SEMA3F: variants seen among roughly 807,000 people sequenced by gnomAD.
SEMA3F encodes the protein semaphorin 3F.
Under a neutral mutation model 98.5 loss-of-function variants are expected in SEMA3F, and 30 were observed. The ratio of observed to expected loss-of-function variants is 0.30; its 90% CI spans 0.23 to 0.41. The LOEUF (loss-of-function observed/expected upper bound fraction) is 0.41, where lower values mean the gene tolerates loss of function less well. SEMA3F is among the 10% of genes least tolerant of loss of function. The pLI is 1.00. For synonymous variants in SEMA3F, 380 were observed against 444.8 expected (o/e 0.85, Z 1.83); for missense variants, 866 against 1,119.3 (o/e 0.77, Z 3.23).
intron 11 of SEMA3F, 73 bp downstream of exon 11, chr3:50,183,328 A>G (rs1368936534): frequency 1.2e-6 from 2 of 1,605,242 alleles, no homozygotes; most frequent in African/African-American, 2.7e-5. Flanking sequence ...GGAGAACCCC[A>G]GCCCGGTGGC....
Position 50,186,299 on chromosome 3 carries a change from C to T in SEMA3F, c.1764C>T (p.Asp588=), listed in dbSNP as rs200293145. The stretch of plus-strand genomic sequence containing the variant: ...CATCCAGGCGGAGCCGCCGGCAGGA[C>T]GTCCGGCACGGAAACCCCATCAGGC... ...ASSKRRSRRQ[D]VRHGNPIRQC... is the part of the protein sequence containing the mutation. The change falls in exon 17 of 19, where the codon GAC becomes GAT. Residue 588 remains aspartate, a synonymous_variant. Coordinates refer to ENST00000002829, the MANE Select transcript of SEMA3F (RefSeq NM_004186.5). 2.4e-5 allele frequency: 39 copies of T among 1,613,836 alleles called. No homozygotes were observed. Among genetic ancestry groups the T allele is most frequent in the East Asian group, 1.8e-4 (8 of 44,882 alleles).
chr3:50,170,860 G>A (rs144910925), intron 2 of SEMA3F, among the ~76,000 whole-genome samples: 29 of 152,036 alleles, frequency 1.9e-4, no homozygotes, highest in African/African-American at 6.5e-4. Flanking sequence ...AGCCATTGAC[G>A]CCATATCCCG....
intron 2 of SEMA3F, among the ~76,000 whole-genome samples, chr3:50,173,574 G>A (rs572395349): frequency 6.6e-6 from 1 of 152,344 alleles, no homozygotes; most frequent in South Asian, 2.1e-4. Flanking sequence ...CCCAGCAGAT[G>A]GAGGTTGCAG....
At chr3:50,180,574 A>G (rs1257971099) in intron 7 of SEMA3F, among the ~76,000 whole-genome samples, 1 of 152,228 alleles carries the variant, frequency 6.6e-6, no homozygotes, top group Non-Finnish European at 1.5e-5. Flanking sequence ...GTCCCAGAGA[A>G]TGGAGAGGCC....
At chr3:50,161,414 G>C (rs1424964116) in intron 2 of SEMA3F, among the ~76,000 whole-genome samples, 1 of 152,230 alleles carries the variant, frequency 6.6e-6, no homozygotes, top group Non-Finnish European at 1.5e-5. Context: ...CTGGTGTCCT[G>C]GCCTTGCCGG....
At chr3:50,169,079 G>A (rs1698509844) in intron 2 of SEMA3F, among the ~76,000 whole-genome samples, 1 of 152,164 alleles carries the variant, frequency 6.6e-6, no homozygotes, top group Non-Finnish European at 1.5e-5. Flanking sequence ...CTATAACCAA[G>A]GGGGCGGGCT....
At chr3:50,181,385 G>A (rs1219305958) in intron 7 of SEMA3F, among the ~76,000 whole-genome samples, 1 of 151,408 alleles carries the variant, frequency 6.6e-6, no homozygotes, top group Non-Finnish European at 1.5e-5. Flanking sequence ...GCAGTGGTGC[G>A]ATCTCGGCTC....
chr3:50,157,278 C>T (rs1698023232), intron 1 of SEMA3F, among the ~76,000 whole-genome samples: 1 of 152,098 alleles, frequency 6.6e-6, no homozygotes, highest in African/African-American at 2.4e-5. Context: ...CTTCCCTGCA[C>T]CCCTTGCCAG....
rs1559717253 is a variant in SEMA3F at position 50,158,664 on chromosome 3, G to A, written c.-48-911G>A. Among the ~76,000 whole-genome samples, 1 of 152,234 alleles carries A rather than the reference G, an allele frequency of 6.6e-6. No individual in the cohort carries two copies. On this transcript the variant is annotated intron_variant, in intron 1 of 18. Transcript: ENST00000002829. The surrounding 1 kb of genome is among the most constrained non-coding windows in gnomAD (Gnocchi z 4.8). ...CGATGCCCCCACCCGCAGTGCATCC[G>A]GTTGGGGGTGGTGGTAGGAGTTGGC...
At chr3:50,185,308 A>C in intron 13 of SEMA3F, 135 bp from the exon 14 acceptor site, 4 of 801,268 alleles carry the variant, frequency 5.0e-6, no homozygotes, top group South Asian at 1.8e-5. Context: ...ACCTGGGGAA[A>C]CTCTTCCACC....
intron 2 of SEMA3F, among the ~76,000 whole-genome samples, chr3:50,165,496 C>A (rs1307878031): frequency 6.6e-6 from 1 of 152,176 alleles, no homozygotes; most frequent in Non-Finnish European, 1.5e-5. Context: ...AATGCTGCTC[C>A]AGCTCCTGCC....
intron 2 of SEMA3F, among the ~76,000 whole-genome samples, chr3:50,160,007 T>C (rs992100418): frequency 6.6e-6 from 1 of 152,126 alleles, no homozygotes. Flanking sequence ...CTGAGGTCTG[T>C]AGGGCATGTC....
Position 50,176,880 on chromosome 3 carries a change from C to G in SEMA3F, c.643+19C>G. ...CTCATCAGTGAGTGCCCCCCAACCC[C>G]GCTCTACAGTCTCAATGTGTGGCCT... On this transcript the variant is annotated intron_variant, in intron 7 of 18. Transcript: ENST00000002829. The G allele has an allele frequency of 1.3e-6, 2 of 1,588,318 alleles. No individual in the cohort carries two copies. The highest frequency in any genetic ancestry group is 1.7e-6 in the Non-Finnish European group (2 of 1,157,066).
chr3:50,180,139 T>C (rs752052644), intron 7 of SEMA3F, among the ~76,000 whole-genome samples: 3 of 152,158 alleles, frequency 2.0e-5, no homozygotes, highest in African/African-American at 4.8e-5. Context: ...TCTAGCTTTT[T>C]TGTTTTTTTT....
chr3:50,184,728 C>G lies in SEMA3F; in HGVS notation c.1370C>G (p.Thr457Arg). The G allele has an allele frequency of 1.2e-6, 2 of 1,614,162 alleles. No individual in the cohort carries two copies. The highest frequency in any genetic ancestry group is 2.7e-5 in the African/African-American group (2 of 75,058). ...PLQRRPLVVR[T>R]GAPYRLTTIA... ...CAGCGGCGGCCCCTGGTAGTCCGCACAGGTGCTCCCTACCGCCTTACCACT... is the reference window on the plus strand; with the variant it reads ...CAGCGGCGGCCCCTGGTAGTCCGCAGAGGTGCTCCCTACCGCCTTACCACT... The change falls in exon 13 of 19, where the codon ACA becomes AGA. Residue 457 changes from threonine (T) to arginine (R), a missense_variant. Physicochemically the swap from Thr to Arg is moderately conservative, Grantham distance 71 (BLOSUM62 -1). Coordinates refer to ENST00000002829, the MANE Select transcript of SEMA3F (RefSeq NM_004186.5).
intron 2 of SEMA3F, among the ~76,000 whole-genome samples, chr3:50,164,304 T>C (rs150054851): frequency 3.5e-4 from 53 of 152,288 alleles, no homozygotes; most frequent in African/African-American, 1.3e-3. Context: ...GAGTAAATCA[T>C]GTTCCTTGGC....
Position 50,166,339 on chromosome 3 carries a change from G to A in SEMA3F, c.112+6605G>A, listed in dbSNP as rs1040506730. Among the ~76,000 whole-genome samples the A allele has an allele frequency of 6.6e-6, 1 of 152,252 alleles. No individual in the cohort carries two copies. The highest frequency in any genetic ancestry group is 2.4e-5 in the African/African-American group (1 of 41,466). Reference sequence around the variant, plus strand: ...AGGGTCATACACTACAATTGGCAGAGCGGCTAGAATTTGGGAGCCCTTTGG... The same window carrying A: ...AGGGTCATACACTACAATTGGCAGAACGGCTAGAATTTGGGAGCCCTTTGG... On this transcript the variant is annotated intron_variant, in intron 2 of 18. Transcript: ENST00000002829. This position sits in a 1 kb window ranked among gnomAD's most constrained non-coding sequence, Gnocchi z 4.7.
intron 7 of SEMA3F, among the ~76,000 whole-genome samples, chr3:50,181,226 C>G (rs546732578): frequency 2.4e-4 from 37 of 152,116 alleles, no homozygotes; most frequent in Non-Finnish European, 4.3e-4. Flanking sequence ...TGCACAAAGC[C>G]CAGTAAACTG....
At chr3:50,177,381 G>T in intron 7 of SEMA3F, among the ~76,000 whole-genome samples, 1 of 152,316 alleles carries the variant, frequency 6.6e-6, no homozygotes, top group East Asian at 1.9e-4. Flanking sequence ...TCCTGCCGGG[G>T]TCTCAGGAGC....
Sources: gnomAD v4.1 joint callset for allele counts (sites outside exome capture counted in the v4.1 genomes callset) on GRCh38, gnomAD v4.1.1 for gene constraint, Gnocchi (gnomAD v3.1) non-coding constraint, MANE v1.5 for transcripts, NCBI Gene and HGNC (gene_info 2026-07-23, HGNC 2026-07-21) for gene names.